BRINP1: variants seen among roughly 807,000 people sequenced by gnomAD.
BRINP1 encodes BMP/retinoic acid inducible neural specific 1.
In BRINP1, 17 loss-of-function variants were observed where a neutral mutation model predicts 72.9. The ratio of observed to expected loss-of-function variants is 0.23; its 90% CI spans 0.16 to 0.35. BRINP1 has a LOEUF of 0.35. Among genes scored for constraint, BRINP1 ranks in the 10% least tolerant of loss-of-function variants. BRINP1 has a pLI of 1.00. For synonymous variants in BRINP1, 418 were observed against 378.5 expected, an observed-to-expected ratio of 1.10 and a Z score of -1.21; for missense variants, 850 against 1,001.6, an observed-to-expected ratio of 0.85 and a Z score of 2.04.
intron 2 of BRINP1, among the ~76,000 whole-genome samples, chr9:119,281,500 G>C (rs1471961792): frequency 6.6e-6 from 1 of 152,198 alleles, no homozygotes; most frequent in Non-Finnish European, 1.5e-5. Flanking sequence ...GAGGAGCAGG[G>C]AAGGGAGAAA....
chr9:119,369,147 G>A lies in BRINP1; in HGVS notation c.-142C>T. 2.5e-6 allele frequency: 1 copy of A among 398,404 alleles called. No homozygotes were observed. The highest frequency in any genetic ancestry group is 4.4e-6 in the Non-Finnish European group (1 of 225,970). The allele number at this position is 398,404 out of a possible 1,614,324, so 24.7% of individuals were successfully genotyped here. ...CTTGGGAGAGCCCTGCGTGCAGCTC[G>A]CATTCCGGGCACGGCGCGGGGACTG... On this transcript the variant is annotated 5_prime_UTR_variant, in exon 1 of 8. The change creates a premature stop within an existing upstream ORF in the 5' untranslated region. Transcript: ENST00000265922.
intron 1 of BRINP1, among the ~76,000 whole-genome samples, chr9:119,367,620 A>G (rs1831709037): frequency 6.6e-6 from 1 of 152,154 alleles, no homozygotes; most frequent in South Asian, 2.1e-4. Context: ...GAAAGAAGAA[A>G]GAGGGCCTTG....
At position 119,223,575 on chromosome 9, in the gene BRINP1, T is replaced by C. The variant is rs371130153; in HGVS notation, c.686-9420A>G. Among the ~76,000 whole-genome samples the C allele has an allele frequency of 2.6e-5, 4 of 152,194 alleles. No homozygotes were observed. The East Asian group carries it at 5.8e-4, about 22-fold the overall frequency. Reference sequence around the variant, plus strand: ...TCTCCTACTCTATAAGCTTCCTGAATGCAAAACACAGCTCATTCATCTACC... The same window carrying C: ...TCTCCTACTCTATAAGCTTCCTGAACGCAAAACACAGCTCATTCATCTACC... On this transcript the variant is annotated intron_variant, in intron 5 of 7. Coordinates refer to ENST00000265922, the MANE Select transcript of BRINP1 (RefSeq NM_014618.3).
chr9:119,226,663 C>T (rs1181691674), intron 5 of BRINP1, among the ~76,000 whole-genome samples: 1 of 54,218 alleles, frequency 1.8e-5, no homozygotes, highest in Non-Finnish European at 4.3e-5. Context: ...ATCATCTATT[C>T]TAGGGTTTTT....
Position 119,357,359 on chromosome 9 carries a change from G to C in BRINP1, c.-51+11697C>G, listed in dbSNP as rs1831579125. Among the ~76,000 whole-genome samples the C allele has an allele frequency of 2.6e-5, 4 of 152,206 alleles. No individual in the cohort carries two copies. In the South Asian group the frequency reaches 8.3e-4, roughly 31 times the overall value. On this transcript the variant is annotated intron_variant, in intron 1 of 7. Transcript: ENST00000265922. ...TTGGGCTAACTCAACCCTGCTATTT[G>C]CTGGCTTGAAAAAGTGTTACTGTTA...
intron 7 of BRINP1, among the ~76,000 whole-genome samples, chr9:119,169,656 G>C (rs980562406): frequency 3.3e-5 from 5 of 152,246 alleles, no homozygotes; most frequent in Non-Finnish European, 7.3e-5. Context: ...GCCTGCCTCT[G>C]TAGGCTCCAC....
chr9:119,183,842 G>A lies in BRINP1; in HGVS notation c.1146-15618C>T, dbSNP rs951609981. Among the ~76,000 whole-genome samples the A allele has an allele frequency of 3.9e-5, 6 of 152,096 alleles. No individual in the cohort carries two copies. The East Asian group carries it at 1.2e-3, about 29-fold the overall frequency. On this transcript the variant is annotated intron_variant, in intron 7 of 7. Coordinates refer to ENST00000265922, the MANE Select transcript of BRINP1 (RefSeq NM_014618.3). Reference sequence around the variant, plus strand: ...TATGAAAAAACTGAGGCTCAGAGAAGGGAAGTAACTTCCTGATGGTCACTA... The same window carrying A: ...TATGAAAAAACTGAGGCTCAGAGAAAGGAAGTAACTTCCTGATGGTCACTA...
chr9:119,168,207 A>G lies in BRINP1; in HGVS notation c.1163T>C (p.Leu388Pro). The G allele has an allele frequency of 6.6e-7, 1 of 1,519,548 alleles. No individual in the cohort carries two copies. The allele number at this position is 1,519,548 out of a possible 1,614,324, so 94.1% of individuals were successfully genotyped here. The stretch of plus-strand genomic sequence containing the variant: ...GTAGAGGAGTGACTGGACCCTTGCA[A>G]GCCACTGCTGAATTGTCCTGGGAGA... ...LPRERTIQQW[L>P]ARVQSLLYCN... The change falls in exon 8 of 8, where the codon CTT (leucine) becomes CCT (proline). Residue 388 changes from leucine to proline, a missense_variant. Transcript: ENST00000265922.
At chr9:119,194,338 A>G (rs1829711459) in intron 7 of BRINP1, among the ~76,000 whole-genome samples, 1 of 152,144 alleles carries the variant, frequency 6.6e-6, no homozygotes. Context: ...TTTTCATTCT[A>G]TTATTCCCGA....
intron 5 of BRINP1, among the ~76,000 whole-genome samples, chr9:119,228,603 T>C (rs555160110): frequency 2.4e-4 from 37 of 152,070 alleles, no homozygotes; most frequent in Non-Finnish European, 4.6e-4. Flanking sequence ...CCATTTTAAA[T>C]GGTTCCTGAG....
chr9:119,300,293 G>T (rs1830926695), intron 2 of BRINP1, among the ~76,000 whole-genome samples: 1 of 152,016 alleles, frequency 6.6e-6, no homozygotes, highest in African/African-American at 2.4e-5. Context: ...ATTTTAAAAA[G>T]ACTTAGTATT....
At chr9:119,332,219 A>G (rs1831306512) in intron 1 of BRINP1, among the ~76,000 whole-genome samples, 1 of 152,316 alleles carries the variant, frequency 6.6e-6, no homozygotes, top group Admixed American at 6.5e-5. Flanking sequence ...TGCTAGATTC[A>G]GGAACTCTGT....
chr9:119,279,484 G>T (rs1156472659), intron 2 of BRINP1, among the ~76,000 whole-genome samples: 2 of 152,224 alleles, frequency 1.3e-5, no homozygotes, highest in Admixed American at 6.5e-5. Flanking sequence ...AGAAAGGGTT[G>T]TATCTTATTT....
chr9:119,270,368 G>A (rs570498546), intron 2 of BRINP1, among the ~76,000 whole-genome samples: 74 of 152,300 alleles, frequency 4.9e-4, no homozygotes, highest in African/African-American at 1.7e-3. Context: ...AGAGTTGAAC[G>A]TGGACAGGCA....
intron 5 of BRINP1, among the ~76,000 whole-genome samples, chr9:119,230,701 A>G (rs1830140653): frequency 6.6e-6 from 1 of 152,072 alleles, no homozygotes; most frequent in Admixed American, 6.6e-5. Context: ...AAGAGGAAGA[A>G]GATGGGAAGA....
At chr9:119,340,523 A>G (rs571751783) in intron 1 of BRINP1, among the ~76,000 whole-genome samples, 1 of 152,180 alleles carries the variant, frequency 6.6e-6, no homozygotes, top group African/African-American at 2.4e-5. Context: ...CAGTCCAGCT[A>G]ATCTTCAATG....
intron 1 of BRINP1, among the ~76,000 whole-genome samples, chr9:119,346,409 A>G (rs1297681908): frequency 6.6e-6 from 1 of 152,236 alleles, no homozygotes; most frequent in Non-Finnish European, 1.5e-5. Context: ...AGTTCTAGGA[A>G]AGGTTATTTA....
chr9:119,307,368 T>C (rs1183683627), intron 2 of BRINP1, among the ~76,000 whole-genome samples: 1 of 152,178 alleles, frequency 6.6e-6, no homozygotes, highest in Non-Finnish European at 1.5e-5. Flanking sequence ...GCCACTTATT[T>C]GCATATTGGA....
chr9:119,167,947 T>A lies in BRINP1; in HGVS notation c.1423A>T (p.Ile475Phe), dbSNP rs759958075. The A allele has an allele frequency of 1.2e-6, 2 of 1,614,222 alleles. No homozygotes were observed. Among genetic ancestry groups the A allele is most frequent in the East Asian group, 2.2e-5 (1 of 44,866 alleles). Residue 475 changes from isoleucine to phenylalanine, a missense_variant, in exon 8 of 8, where the codon ATC becomes TTC. Physicochemically the swap from Ile to Phe is conservative, Grantham distance 21. Coordinates refer to ENST00000265922, the MANE Select transcript of BRINP1 (RefSeq NM_014618.3). This position sits in a 1 kb window ranked among gnomAD's most constrained non-coding sequence, Gnocchi z 4.3. ...NVDSERSEQFISFETDLDFQD... is the reference protein window; with the variant it reads ...NVDSERSEQFFSFETDLDFQD... Reference sequence around the variant, plus strand: ...AAGTCCAGGTCAGTCTCAAAGCTGATGAACTGCTCGCTCCGCTCCGAGTCC... The same window carrying A: ...AAGTCCAGGTCAGTCTCAAAGCTGAAGAACTGCTCGCTCCGCTCCGAGTCC...
Sources: allele counts gnomAD v4.1 joint callset (sites outside exome capture counted in the v4.1 genomes callset), GRCh38; gene constraint gnomAD v4.1.1; non-coding constraint Gnocchi (gnomAD v3.1); transcripts MANE v1.5; gene names NCBI Gene and HGNC (gene_info 2026-07-23, HGNC 2026-07-21).